Variants in DTNA observed in about 807,000 individuals in gnomAD.
The protein encoded by DTNA is dystrobrevin alpha.
A neutral mutation model predicts 100.7 loss-of-function variants in DTNA; 43 were observed. That is an observed-to-expected ratio of 0.43 (90% CI 0.33 to 0.55). The LOEUF is 0.55. DTNA is among the 20% of genes least tolerant of loss of function. DTNA has a pLI of 0.04. For synonymous variants in DTNA, 349 were observed against 347.9 expected, an observed-to-expected ratio of 1.00 and a Z score of -0.04; for missense variants, 798 against 953.9, an observed-to-expected ratio of 0.84 and a Z score of 2.15.
At chr18:34,809,395 T>C (rs1462513533) in intron 5 of DTNA, among the ~76,000 whole-genome samples, 1 of 152,160 alleles carries the variant, frequency 6.6e-6, no homozygotes, top group East Asian at 1.9e-4. Flanking sequence ...AGGCAGAGGT[T>C]GCGTGAGTTG....
intron 1 of DTNA, among the ~76,000 whole-genome samples, chr18:34,649,154 C>G (rs774770794): frequency 3.9e-5 from 6 of 152,204 alleles, no homozygotes; most frequent in South Asian, 2.1e-4. Flanking sequence ...GCTCTCCTCT[C>G]TCTCCCCATT....
At chr18:34,514,864 TC>T (rs1410202796) in intron 1 of DTNA, among the ~76,000 whole-genome samples, 3 of 152,024 alleles carry the variant, frequency 2.0e-5, no homozygotes, top group African/African-American at 7.2e-5. Context: ...CCTAACACCA[TC>T]AACTTGGGTG....
intron 10 of DTNA, among the ~76,000 whole-genome samples, chr18:34,828,410 G>A (rs1022936594): frequency 1.3e-5 from 2 of 152,122 alleles, no homozygotes; most frequent in African/African-American, 4.8e-5. Context: ...ACAAAGGTAA[G>A]GAAAATTGGA....
chr18:34,697,841 T>A (rs1349685425), intron 1 of DTNA, among the ~76,000 whole-genome samples: 3 of 152,084 alleles, frequency 2.0e-5, no homozygotes, highest in Non-Finnish European at 4.4e-5. Flanking sequence ...AAGAAGGCAG[T>A]CAGGCATGGG....
intron 1 of DTNA, among the ~76,000 whole-genome samples, chr18:34,512,417 C>T (rs1601318480): frequency 6.6e-6 from 1 of 152,090 alleles, no homozygotes; most frequent in East Asian, 1.9e-4. Context: ...AGATTGTTAA[C>T]TACTACTGAA....
chr18:34,810,962 T>A (rs1198380385), intron 5 of DTNA, among the ~76,000 whole-genome samples: 1 of 152,166 alleles, frequency 6.6e-6, no homozygotes, highest in Non-Finnish European at 1.5e-5. Context: ...GATAAAAGCC[T>A]CTGATATGCT....
chr18:34,720,474 G>C (rs890701170), intron 1 of DTNA, among the ~76,000 whole-genome samples: 4 of 152,198 alleles, frequency 2.6e-5, no homozygotes, highest in African/African-American at 9.6e-5. Flanking sequence ...GAGGAGCTTT[G>C]AGAATACCAT....
In DTNA at chr18:34,890,484, A is replaced by G. The variant is rs867097219; in HGVS notation, c.*2750A>G. The G allele has an allele frequency of 1.3e-6, 2 of 1,535,034 alleles. No homozygotes were observed. The highest frequency in any genetic ancestry group is 1.7e-6 in the Non-Finnish European group (2 of 1,146,322). On this transcript the variant is annotated 3_prime_UTR_variant, in exon 23 of 23. Transcript: ENST00000444659. ...TCACTTGTCCTGTCCATTAGATACA[A>G]CTACATCTTGCGGGGGTTGTTTCTT...
intron 3 of DTNA, 133 bp downstream of exon 3, chr18:34,766,174 G>C (rs912491819): frequency 5.1e-5 from 56 of 1,097,570 alleles, no homozygotes; most frequent in Non-Finnish European, 3.7e-5. Context: ...ACAATAAAAG[G>C]GGTATTATGA....
chr18:34,711,289 C>CA (rs1316417457), intron 1 of DTNA, among the ~76,000 whole-genome samples: 1 of 152,120 alleles, frequency 6.6e-6, no homozygotes, highest in Non-Finnish European at 1.5e-5. Flanking sequence ...TAAAGGAGAA[C>CA]AATTTCTTTA....
chr18:34,693,400 C>T (rs2080058840), intron 1 of DTNA, among the ~76,000 whole-genome samples: 1 of 152,064 alleles, frequency 6.6e-6, no homozygotes, highest in African/African-American at 2.4e-5. Flanking sequence ...AAATTGAAGA[C>T]TAGAGAGCTT....
intron 11 of DTNA, among the ~76,000 whole-genome samples, chr18:34,834,484 C>T (rs543472179): frequency 2.7e-4 from 41 of 151,272 alleles, no homozygotes; most frequent in African/African-American, 1.0e-3. Context: ...GCCTGGGCAA[C>T]AAGAGTGAAA....
intron 1 of DTNA, among the ~76,000 whole-genome samples, chr18:34,532,096 C>T (rs1354107739): frequency 1.3e-5 from 2 of 152,014 alleles, no homozygotes; most frequent in African/African-American, 2.4e-5. Context: ...TTGGGAACTA[C>T]AAAGATGAAT....
At chr18:34,745,238 A>G (rs1331020818) in intron 1 of DTNA, among the ~76,000 whole-genome samples, 1 of 151,802 alleles carries the variant, frequency 6.6e-6, no homozygotes, top group East Asian at 1.9e-4. Context: ...ACTCAGCACT[A>G]AAAAAAAGAA....
At chr18:34,673,399 G>A (rs1269229506) in intron 1 of DTNA, among the ~76,000 whole-genome samples, 8 of 151,760 alleles carry the variant, frequency 5.3e-5, no homozygotes, top group African/African-American at 1.7e-4. Flanking sequence ...CTTGGCCTCC[G>A]AAAGTGCTGG....
At chr18:34,544,851 T>A (rs1056108580) in intron 1 of DTNA, among the ~76,000 whole-genome samples, 12 of 151,808 alleles carry the variant, frequency 7.9e-5, no homozygotes, top group African/African-American at 2.9e-4. Flanking sequence ...TAAAACTGAC[T>A]GGGCAATATG....
chr18:34,583,056 A>G (rs1439070253), intron 1 of DTNA, among the ~76,000 whole-genome samples: 1 of 152,216 alleles, frequency 6.6e-6, no homozygotes, highest in Non-Finnish European at 1.5e-5. Context: ...AAAGAATTGT[A>G]TTTTCACTTT....
At chr18:34,671,000 G>C (rs542127290) in intron 1 of DTNA, among the ~76,000 whole-genome samples, 18 of 152,292 alleles carry the variant, frequency 1.2e-4, no homozygotes, top group Non-Finnish European at 2.6e-4. Context: ...CTTTTGTTCG[G>C]CTATGCCCTT....
intron 6 of DTNA, among the ~76,000 whole-genome samples, chr18:34,814,608 C>T (rs185263700): frequency 4.6e-5 from 7 of 152,066 alleles, no homozygotes; most frequent in Non-Finnish European, 8.8e-5. Context: ...GAGAGGATCC[C>T]TTTAGCCCAG....
Sources: allele counts gnomAD v4.1 joint callset (sites outside exome capture counted in the v4.1 genomes callset), GRCh38; gene constraint gnomAD v4.1.1; transcripts MANE v1.5; gene names NCBI Gene and HGNC (gene_info 2026-07-23, HGNC 2026-07-21).